TEKT5: variants seen among roughly 807,000 people sequenced by gnomAD.
TEKT5 encodes tektin-5.
A neutral mutation model predicts 48.7 loss-of-function variants in TEKT5; 52 were observed. The ratio of observed to expected loss-of-function variants is 1.07; its 90% CI spans 0.86 to 1.35. TEKT5 has a LOEUF of 1.35. Among genes scored for constraint, TEKT5 ranks in the 40% most tolerant of loss-of-function variants. The probability of loss-of-function intolerance (pLI) is 0.00; values close to 1 mark genes in which losing one functional copy is unlikely to be tolerated. For missense variants in TEKT5, 831 were observed against 641.6 expected (o/e 1.30, Z -3.19); for synonymous variants, 318 against 267.6 (o/e 1.19, Z -1.84).
intron 1 of TEKT5, among the ~76,000 whole-genome samples, chr16:10,693,454 C>T (rs536382030): frequency 2.0e-5 from 3 of 152,326 alleles, no homozygotes; most frequent in South Asian, 2.1e-4. Context: ...CTCTGTGCTT[C>T]GCCCTGTCCT....
At chr16:10,661,781 G>C (rs546473966) in intron 5 of TEKT5, among the ~76,000 whole-genome samples, 1 of 152,304 alleles carries the variant, frequency 6.6e-6, no homozygotes, top group African/African-American at 2.4e-5. Context: ...ACCAGCCACT[G>C]CCAAGCATGT....
chr16:10,681,978 G>T lies in TEKT5; in HGVS notation c.863+15C>A. On this transcript the variant is annotated intron_variant, in intron 4 of 6. Transcript: ENST00000283025. Reference sequence around the variant, plus strand: ...TGGACACGCCAGGGATGGGGAGGGGGAGTCTGATACTTACGTGCCGTCAAT... The same window carrying T: ...TGGACACGCCAGGGATGGGGAGGGGTAGTCTGATACTTACGTGCCGTCAAT... 1 of 1,612,830 alleles carries T rather than the reference G, an allele frequency of 6.2e-7. No individual in the cohort carries two copies. The highest frequency in any genetic ancestry group is 1.1e-5 in the South Asian group (1 of 90,918).
At position 10,690,010 on chromosome 16, in the gene TEKT5, G is replaced by A; in HGVS notation, c.580C>T (p.Leu194=). 1 of 1,614,060 alleles carries A rather than the reference G, an allele frequency of 6.2e-7. No homozygotes were observed. Among genetic ancestry groups the A allele is most frequent in the Non-Finnish European group, 8.5e-7 (1 of 1,180,018 alleles). ...CCAATCCTCTTCTCTCGATGGTACA[G>A]ACACTCCAAGGCCACCTGTGGGAAG... ...NCPLQVALEC[L]YHREKRIGID... Residue 194 remains leucine (L), a synonymous_variant, in exon 2 of 7, where the codon CTG becomes TTG. Transcript: ENST00000283025.
chr16:10,660,207 G>A (rs1032978747), intron 5 of TEKT5, among the ~76,000 whole-genome samples: 1 of 152,120 alleles, frequency 6.6e-6, no homozygotes, highest in African/African-American at 2.4e-5. Flanking sequence ...ACTTATTCCA[G>A]TGTAAGGGGT....
chr16:10,655,571 C>CACTAT (rs1369981273), intron 5 of TEKT5, among the ~76,000 whole-genome samples: 1 of 152,172 alleles, frequency 6.6e-6, no homozygotes, highest in African/African-American at 2.4e-5. Flanking sequence ...ACCTGTGGAA[C>CACTAT]ACTATAAAAG....
intron 6 of TEKT5, among the ~76,000 whole-genome samples, chr16:10,633,936 G>A (rs1897876287): frequency 6.6e-6 from 1 of 152,070 alleles, no homozygotes; most frequent in South Asian, 2.1e-4. Context: ...CTGAGGCTGT[G>A]CAAAAATCAT....
rs113427765 is a variant in TEKT5, at chr16:10,652,494, A to C, written c.1087-16576T>G. 5.6e-3 allele frequency among the ~76,000 whole-genome samples: 409 copies of C among 72,802 alleles called. 2 individuals carry two copies. Among genetic ancestry groups the C allele is most frequent in the African/African-American group, 0.011 (174 of 16,078 alleles). The allele number at this position is 72,802 out of a possible 152,430, so 47.8% of individuals were successfully genotyped here. On this transcript the variant is annotated intron_variant, in intron 5 of 6. Transcript: ENST00000283025. Reference sequence around the variant, plus strand: ...CACACACACACACACACACACACACACCCTCCAGGCCAGGTAGAGCGATCC... The same window carrying C: ...CACACACACACACACACACACACACCCCCTCCAGGCCAGGTAGAGCGATCC...
chr16:10,629,320 G>A (rs1897801777), intron 6 of TEKT5, among the ~76,000 whole-genome samples: 2 of 150,952 alleles, frequency 1.3e-5, no homozygotes, highest in Non-Finnish European at 2.9e-5. Context: ...GTGCAATCTC[G>A]GCTCACGGCA....
At chr16:10,640,046 TTCCTCC>T in intron 5 of TEKT5, among the ~76,000 whole-genome samples, 1 of 144,894 alleles carries the variant, frequency 6.9e-6, no homozygotes, top group Admixed American at 6.7e-5. Flanking sequence ...CTTCTTTCTC[TTCCTCC>T]TCCTCCTCCT....
At chr16:10,691,224 G>A (rs565497657) in intron 1 of TEKT5, 1 of 152,278 alleles carries the variant, frequency 6.6e-6, no homozygotes, top group East Asian at 1.9e-4. Context: ...AGCTCCTCAG[G>A]AGGCTGAGGT....
At position 10,688,794 on chromosome 16, in the gene TEKT5, G is replaced by A. The variant is rs549540160; in HGVS notation, c.719+459C>T. Among the ~76,000 whole-genome samples the A allele has an allele frequency of 3.3e-4, 51 of 152,272 alleles. 1 individual carries two copies. The highest frequency in any genetic ancestry group is 2.9e-3 in the Admixed American group (44 of 15,306). ...TGTTTGAAGACTTCTGGCTCAATGC[G>A]TCCACCAGCTCCCTTGTGGAGGTGC... On this transcript the variant is annotated intron_variant, in intron 3 of 6. Coordinates refer to ENST00000283025, the MANE Select transcript of TEKT5 (RefSeq NM_144674.2).
At chr16:10,642,514 C>T (rs1898010303) in intron 5 of TEKT5, among the ~76,000 whole-genome samples, 1 of 152,166 alleles carries the variant, frequency 6.6e-6, no homozygotes, top group South Asian at 2.1e-4. Flanking sequence ...CCCCTCCCTC[C>T]CTCCTTCCTG....
intron 5 of TEKT5, among the ~76,000 whole-genome samples, chr16:10,652,762 GCAAACACACACA>G (rs113442927): frequency 8.6e-4 from 5 of 5,790 alleles, no homozygotes; most frequent in African/African-American, 5.8e-3. Context: ...ATATACACAG[GCAAACACACACA>G]CACACACACA....
chr16:10,689,246 C>CCCTTACCG lies in TEKT5; in HGVS notation c.718_719+6dup, dbSNP rs1898920718. The CCCTTACCG allele has an allele frequency of 8.8e-6, 14 of 1,595,420 alleles. No homozygotes were observed. The African/African-American group carries it at 9.5e-5, about 11-fold the overall frequency. On this transcript the variant is annotated splice_region_variant and intron_variant, in intron 3 of 6. Coordinates refer to ENST00000283025, the MANE Select transcript of TEKT5 (RefSeq NM_144674.2). ...GAGAGGGAATTAAAAAAAAAAAAAG[C>CCCTTACCG]CCTTACCGCATCTGGATATCAATTC...
chr16:10,672,018 G>C (rs1438761860), intron 5 of TEKT5, among the ~76,000 whole-genome samples: 3 of 152,170 alleles, frequency 2.0e-5, no homozygotes, highest in Non-Finnish European at 4.4e-5. Flanking sequence ...AGATGGAAAA[G>C]GGGAGGGAGT....
At chr16:10,690,950 T>C (rs1393208369) in intron 1 of TEKT5, among the ~76,000 whole-genome samples, 8 of 152,174 alleles carry the variant, frequency 5.3e-5, no homozygotes, top group Non-Finnish European at 1.0e-4. Flanking sequence ...CTGTGAGACA[T>C]GCTCTGCTGA....
At chr16:10,639,771 CA>C (rs1475131668) in intron 5 of TEKT5, among the ~76,000 whole-genome samples, 1 of 152,240 alleles carries the variant, frequency 6.6e-6, no homozygotes, top group African/African-American at 2.4e-5. Flanking sequence ...ACACCTCAGA[CA>C]GACTGGTTCA....
chr16:10,635,621 C>A, intron 6 of TEKT5, 143 bp downstream of exon 6: 1 of 1,300,934 alleles, frequency 7.7e-7, no homozygotes, highest in East Asian at 2.3e-5. Context: ...ACCCTGCACT[C>A]TACTGAGTTG....
chr16:10,669,689 C>T (rs996850948), intron 5 of TEKT5, among the ~76,000 whole-genome samples: 20 of 152,132 alleles, frequency 1.3e-4, no homozygotes, highest in African/African-American at 4.8e-4. Flanking sequence ...TGACCCCACA[C>T]ATCCTACCCC....
Sources: gnomAD v4.1 joint callset for allele counts (sites outside exome capture counted in the v4.1 genomes callset) on GRCh38, gnomAD v4.1.1 for gene constraint, MANE v1.5 for transcripts, NCBI Gene and HGNC (gene_info 2026-07-23, HGNC 2026-07-21) for gene names.